TMEM147: variants seen among roughly 807,000 people sequenced by gnomAD.
TMEM147 encodes the protein BOS complex subunit TMEM147.
TMEM147 carries 29 observed loss-of-function variants against 29.4 expected under a neutral mutation model. That is an observed-to-expected ratio of 0.99 (90% CI 0.73 to 1.34). The LOEUF (loss-of-function observed/expected upper bound fraction) is 1.34, where lower values mean the gene tolerates loss of function less well. Ranked by LOEUF, TMEM147 falls within the 40% of genes most tolerant of loss-of-function variation. The pLI is 0.00. For missense variants in TMEM147, 260 were observed against 289.4 expected, an observed-to-expected ratio of 0.90 and a Z score of 0.74; for synonymous variants, 121 against 111.8, an observed-to-expected ratio of 1.08 and a Z score of -0.52.
chr19:35,546,878 C>T (rs746063187), intron 4 of TMEM147, 67 bp from the exon 5 acceptor site: 1 of 1,614,098 alleles, frequency 6.2e-7, no homozygotes, highest in Admixed American at 1.7e-5. Context: ...TGCTGGAGGG[C>T]AGGGGCTCAA....
rs566171585 is a variant in TMEM147, at chr19:35,547,424, G to A, written c.652G>A (p.Ala218Thr). ...LALSTLALYV[A>T]VVNVHS ...CCTCAGCACTTTGGCCCTGTATGTC[G>A]CCGTTGTCAATGTGCACTCCTAGGC... The change falls in exon 7 of 7, where the codon GCC becomes ACC. Residue 218 changes from alanine to threonine, a missense_variant. Transcript: ENST00000222284. 46 of 1,613,472 alleles carry A rather than the reference G, an allele frequency of 2.9e-5. No individual in the cohort carries two copies. The highest frequency in any genetic ancestry group is 1.6e-4 in the African/African-American group (12 of 74,928).
intron 5 of TMEM147, 26 bp downstream of exon 5, chr19:35,547,055 C>G: frequency 1.1e-5 from 18 of 1,614,250 alleles, no homozygotes; most frequent in Non-Finnish European, 1.5e-5. Flanking sequence ...CTCCCACATA[C>G]ACATTTCTGC....
In TMEM147 at chr19:35,545,794, A is replaced by G. The variant is rs1356529950; in HGVS notation, c.55A>G (p.Ile19Val). 2.5e-6 allele frequency: 4 copies of G among 1,613,658 alleles called. No individual in the cohort carries two copies. The highest frequency in any genetic ancestry group is 2.2e-5 in the East Asian group (1 of 44,866). The part of the protein sequence containing the change: ...CFALAYFPYF[I>V]TYKCSGLSEY... ...CGCTCTTGCCTACTTCCCCTACTTCATCACCTACAAGTGCAGCGGCCTGTG... is the reference window on the plus strand; with the variant it reads ...CGCTCTTGCCTACTTCCCCTACTTCGTCACCTACAAGTGCAGCGGCCTGTG... Residue 19 changes from isoleucine to valine, a missense_variant, in exon 1 of 7, where the codon ATC becomes GTC. By Grantham distance (29) the Ile-to-Val change is conservative. Coordinates refer to ENST00000222284, the MANE Select transcript of TMEM147 (RefSeq NM_032635.4).
Position 35,547,186 on chromosome 19 carries a change from G to T in TMEM147, c.497G>T (p.Arg166Leu). ...CGCTATGATCTGTACCACACCTTCCGGCCAGCTGTCCTCCTGCTGATGTTC... is the reference window on the plus strand; with the variant it reads ...CGCTATGATCTGTACCACACCTTCCTGCCAGCTGTCCTCCTGCTGATGTTC... ...ITRYDLYHTF[R>L]PAVLLLMFLS... Residue 166 changes from arginine to leucine, a missense_variant, in exon 6 of 7, where the codon CGG becomes CTG. Coordinates refer to ENST00000222284, the MANE Select transcript of TMEM147 (RefSeq NM_032635.4). 1 of 1,614,150 alleles carries T rather than the reference G, an allele frequency of 6.2e-7. No individual in the cohort carries two copies. Among genetic ancestry groups the T allele is most frequent in the Non-Finnish European group, 8.5e-7 (1 of 1,180,028 alleles).
intron 2 of TMEM147, 173 bp from the exon 3 acceptor site, chr19:35,546,353 A>C: frequency 1.4e-6 from 1 of 737,636 alleles, no homozygotes; most frequent in African/African-American, 1.8e-5. Flanking sequence ...CCGGGGACCT[A>C]TCCTCTATCT....
chr19:35,546,418 C>G, intron 2 of TMEM147, 108 bp from the exon 3 acceptor site: 1 of 1,328,038 alleles, frequency 7.5e-7, no homozygotes, highest in Middle Eastern at 2.6e-4. Flanking sequence ...AGATGGGCCC[C>G]CAGAACCTGT....
intron 1 of TMEM147, 29 bp from the exon 2 acceptor site, chr19:35,545,859 G>C: frequency 6.2e-7 from 1 of 1,613,738 alleles, no homozygotes; most frequent in Non-Finnish European, 8.5e-7. Context: ...CGCGGGGCCC[G>C]GGCCGACCCT....
chr19:35,545,917 T>G lies in TMEM147; in HGVS notation c.107T>G (p.Val36Gly). ...LSEYNAFWKC[V>G]QAGVTYLFVQ... ...GAGTACAACGCCTTCTGGAAATGCGTCCAGGCTGGAGTCACCTACCTCTTT... is the reference window on the plus strand; with the variant it reads ...GAGTACAACGCCTTCTGGAAATGCGGCCAGGCTGGAGTCACCTACCTCTTT... The change falls in exon 2 of 7, where the codon GTC becomes GGC. Residue 36 changes from valine to glycine, a missense_variant. Val to Gly is a moderately radical substitution (Grantham distance 109, BLOSUM62 -3). Coordinates refer to ENST00000222284, the MANE Select transcript of TMEM147 (RefSeq NM_032635.4). 6.2e-7 allele frequency: 1 copy of G among 1,613,928 alleles called. No homozygotes were observed. Among genetic ancestry groups the G allele is most frequent in the Non-Finnish European group, 8.5e-7 (1 of 1,179,888 alleles).
intron 2 of TMEM147, 61 bp downstream of exon 2, chr19:35,546,018 C>T (rs774752988): frequency 1.3e-6 from 2 of 1,554,060 alleles, no homozygotes; most frequent in East Asian, 2.3e-5. Flanking sequence ...CAGGGACCCG[C>T]CCCCGTTGCC....
In TMEM147 at chr19:35,546,184, C is replaced by T. The variant is rs571151822; in HGVS notation, c.147+227C>T. The T allele has an allele frequency of 6.4e-6, 4 of 623,486 alleles. No homozygotes were observed. In the African/African-American group the frequency reaches 7.4e-5, roughly 11 times the overall value. The allele number at this position is 623,486 out of a possible 1,614,324, so 38.6% of individuals were successfully genotyped here. On this transcript the variant is annotated intron_variant, in intron 2 of 6. Coordinates refer to ENST00000222284, the MANE Select transcript of TMEM147 (RefSeq NM_032635.4). ...TAGCACTTAGTAAAACTGAGAAAAC[C>T]TCAGTAGTGTGGTTGGCTAACAGGT...
At position 35,546,991 on chromosome 19, in the gene TMEM147, A is replaced by T; in HGVS notation, c.391A>T (p.Lys131Ter). The T allele has an allele frequency of 1.9e-6, 3 of 1,614,226 alleles. No individual in the cohort carries two copies. The highest frequency in any genetic ancestry group is 2.5e-6 in the Non-Finnish European group (3 of 1,180,036). ...AGCCCGGGGCATTGAGTTTGACTGG[A>T]AGTACATCCAGATGAGCATAGACTC... ...VGARGIEFDW[K>*]YIQMSIDSNI... The change falls in exon 5 of 7, where the codon AAG becomes TAG. Residue 131 changes from lysine to a stop codon, truncating the protein, a stop_gained. Transcript: ENST00000222284. LOFTEE classifies it high-confidence loss of function.
Position 35,546,995 on chromosome 19 carries a change from A to C in TMEM147, c.395A>C (p.Tyr132Ser), listed in dbSNP as rs1293288898. 1 of 1,614,072 alleles carries C rather than the reference A, an allele frequency of 6.2e-7. No individual in the cohort carries two copies. The highest frequency in any genetic ancestry group is 8.5e-7 in the Non-Finnish European group (1 of 1,180,042). ...GARGIEFDWK[Y>S]IQMSIDSNIS... Reference sequence around the variant, plus strand: ...CGGGGCATTGAGTTTGACTGGAAGTACATCCAGATGAGCATAGACTCCAAC... The same window carrying C: ...CGGGGCATTGAGTTTGACTGGAAGTCCATCCAGATGAGCATAGACTCCAAC... Residue 132 changes from tyrosine to serine, a missense_variant, in exon 5 of 7, where the codon TAC becomes TCC. Coordinates refer to ENST00000222284, the MANE Select transcript of TMEM147 (RefSeq NM_032635.4).
Position 35,546,971 on chromosome 19 carries a change from G to C in TMEM147, c.371G>C (p.Arg124Pro), listed in dbSNP as rs774888641. The change falls in exon 5 of 7, where the codon CGG (arginine) becomes CCG (proline). Residue 124 changes from arginine to proline, a missense_variant. Arg to Pro is a moderately radical substitution (Grantham distance 103). Coordinates refer to ENST00000222284, the MANE Select transcript of TMEM147 (RefSeq NM_032635.4). ...SRCIPLWVGA[R>P]GIEFDWKYIQ... ...TGCATTCCCCTATGGGTCGGAGCCC[G>C]GGGCATTGAGTTTGACTGGAAGTAC... 3 of 1,614,146 alleles carry C rather than the reference G, an allele frequency of 1.9e-6. No individual in the cohort carries two copies. The highest frequency in any genetic ancestry group is 2.5e-6 in the Non-Finnish European group (3 of 1,180,032).
At position 35,547,111 on chromosome 19, in the gene TMEM147, C is replaced by T; in HGVS notation, c.430-8C>T. ...AAGGCCTGGCCCCGACTTTCTGCCT[C>T]CCTCTAGGTCCATTACATCGTCGCG... On this transcript the variant is annotated splice_polypyrimidine_tract_variant and splice_region_variant and intron_variant, in intron 5 of 6. Coordinates refer to ENST00000222284, the MANE Select transcript of TMEM147 (RefSeq NM_032635.4). 1 of 1,614,238 alleles carries T rather than the reference C, an allele frequency of 6.2e-7. No homozygotes were observed. The highest frequency in any genetic ancestry group is 8.5e-7 in the Non-Finnish European group (1 of 1,180,050).
At position 35,545,824 on chromosome 19, in the gene TMEM147, C is replaced by T; in HGVS notation, c.77+8C>T. 6.2e-7 allele frequency: 1 copy of T among 1,613,898 alleles called. No homozygotes were observed. On this transcript the variant is annotated splice_region_variant and intron_variant, in intron 1 of 6. Coordinates refer to ENST00000222284, the MANE Select transcript of TMEM147 (RefSeq NM_032635.4). ...CTACAAGTGCAGCGGCCTGTGAGTG[C>T]GGGAAGGGCGCGGGGCGGAGAGGGC...
Position 35,545,842 on chromosome 19 carries a change from G to GAGAGGGCGCGGGGCCC in TMEM147, c.77+27_78-30dup, listed in dbSNP as rs1307737625. The GAGAGGGCGCGGGGCCC allele has an allele frequency of 4.3e-6, 7 of 1,613,504 alleles. No homozygotes were observed. In the South Asian group the frequency reaches 7.7e-5, roughly 18 times the overall value. ...GTGAGTGCGGGAAGGGCGCGGGGCG[G>GAGAGGGCGCGGGGCCC]AGAGGGCGCGGGGCCCGGGCCGACC... On this transcript the variant is annotated intron_variant, in intron 1 of 6. Coordinates refer to ENST00000222284, the MANE Select transcript of TMEM147 (RefSeq NM_032635.4).
At chr19:35,545,980 G>C (rs1222414061) in intron 2 of TMEM147, 23 bp downstream of exon 2, 3 of 1,610,114 alleles carry the variant, frequency 1.9e-6, no homozygotes, top group Non-Finnish European at 1.7e-6. Context: ...GGGAAGCCAC[G>C]TGTTCTGGCC....
At chr19:35,546,090 A>C in intron 2 of TMEM147, 133 bp downstream of exon 2, 1 of 1,007,382 alleles carries the variant, frequency 9.9e-7, no homozygotes, top group Non-Finnish European at 1.5e-6. Flanking sequence ...GGGAGGCGTC[A>C]GGATACCTAG....
At position 35,546,315 on chromosome 19, in the gene TMEM147, A is replaced by G. The variant is rs1023552369; in HGVS notation, c.148-211A>G. On this transcript the variant is annotated intron_variant, in intron 2 of 6. Transcript: ENST00000222284. ...ACTCAGATGCCCTGTGATCACCCAG[A>G]ACTCAAACTTCCAGCCCCCTCGGGG... 4.4e-5 allele frequency: 27 copies of G among 620,314 alleles called. 1 individual carries two copies. Among genetic ancestry groups the G allele is most frequent in the Non-Finnish European group, 2.8e-6 (1 of 357,106 alleles). 38.4% of individuals were successfully genotyped at this position (620,314 alleles called of 1,614,324 possible).
Sources: allele counts gnomAD v4.1 joint callset, GRCh38; gene constraint gnomAD v4.1.1; transcripts MANE v1.5; gene names NCBI Gene and HGNC (gene_info 2026-07-23, HGNC 2026-07-21).